Variants in NRXN1 observed in about 807,000 individuals in gnomAD.
The protein encoded by NRXN1 is neurexin-1.
NRXN1 carries 39 observed loss-of-function variants against 150.9 expected under a neutral mutation model. The observed-to-expected ratio is 0.26, with a 90% CI of 0.20 to 0.34. NRXN1 has a LOEUF of 0.34. Among genes scored for constraint, NRXN1 ranks in the 10% least tolerant of loss-of-function variants. NRXN1 has a pLI of 1.00. For synonymous variants in NRXN1, 924 were observed against 757.0 expected (o/e 1.22, Z -3.62); for missense variants, 1,815 against 1,949.9 (o/e 0.93, Z 1.30).
intron 5 of NRXN1, among the ~76,000 whole-genome samples, chr2:50,909,059 T>C (rs977495146): frequency 1.3e-5 from 2 of 151,328 alleles, no homozygotes; most frequent in African/African-American, 4.9e-5. Flanking sequence ...ATAGAAAGTA[T>C]TTTTTTAAGT....
At chr2:50,086,845 A>AGAGAGAGAGAAG (rs4032305) in intron 19 of NRXN1, among the ~76,000 whole-genome samples, 102 of 150,928 alleles carry the variant, frequency 6.8e-4, no homozygotes, top group African/African-American at 2.3e-3. Flanking sequence ...AGAGAGAGAG[A>AGAGAGAGAGAAG]GAGAGCGAGC....
intron 17 of NRXN1, chr2:50,417,232 AAAGG>A (rs1437131437): frequency 6.6e-6 from 1 of 152,126 alleles, no homozygotes; most frequent in African/African-American, 2.4e-5. Context: ...AAGATTGAGA[AAAGG>A]AAGACAGTGT....
At chr2:50,471,978 G>A (rs972267682) in intron 16 of NRXN1, among the ~76,000 whole-genome samples, 6 of 151,544 alleles carry the variant, frequency 4.0e-5, no homozygotes, top group South Asian at 2.1e-4. Context: ...AGCAAGCATC[G>A]TAGAACTGAT....
At chr2:50,177,992 T>C (rs768530927) in intron 18 of NRXN1, among the ~76,000 whole-genome samples, 31 of 152,132 alleles carry the variant, frequency 2.0e-4, no homozygotes, top group Non-Finnish European at 3.2e-4. Flanking sequence ...TTTCAGAAAG[T>C]GGTCATAATC....
intron 2 of NRXN1, among the ~76,000 whole-genome samples, chr2:50,935,427 G>A (rs995326022): frequency 6.6e-6 from 1 of 152,026 alleles, no homozygotes; most frequent in African/African-American, 2.4e-5. Context: ...AACTGAGTAG[G>A]GAGAATAGAA....
At chr2:50,429,365 T>TCC (rs2084762820) in intron 17 of NRXN1, among the ~76,000 whole-genome samples, 1 of 152,176 alleles carries the variant, frequency 6.6e-6, no homozygotes, top group Non-Finnish European at 1.5e-5. Context: ...CAAGCAATTC[T>TCC]TGTGCCTCAG....
chr2:50,830,322 A>G (rs1671238837), intron 5 of NRXN1, among the ~76,000 whole-genome samples: 1 of 152,108 alleles, frequency 6.6e-6, no homozygotes, highest in Non-Finnish European at 1.5e-5. Context: ...TGTGAAAATG[A>G]GCCAAGCCCC....
chr2:50,450,331 G>C (rs752329932), intron 17 of NRXN1, among the ~76,000 whole-genome samples: 3 of 151,540 alleles, frequency 2.0e-5, no homozygotes, highest in South Asian at 2.1e-4. Context: ...TAAATTGTTA[G>C]TTATCTTATT....
intron 17 of NRXN1, among the ~76,000 whole-genome samples, chr2:50,438,364 T>C (rs148179776): frequency 3.9e-4 from 59 of 152,266 alleles, no homozygotes; most frequent in African/African-American, 1.2e-3. Context: ...CAAAGCAAAA[T>C]GTCAACCAGT....
intron 8 of NRXN1, among the ~76,000 whole-genome samples, chr2:50,579,714 G>A (rs540132725): frequency 2.0e-5 from 3 of 152,222 alleles, no homozygotes; most frequent in South Asian, 4.1e-4. Flanking sequence ...GGAGTTCACT[G>A]TATAATGAAT....
chr2:50,366,970 G>T (rs2079624567), intron 17 of NRXN1, among the ~76,000 whole-genome samples: 1 of 152,078 alleles, frequency 6.6e-6, no homozygotes, highest in African/African-American at 2.4e-5. Flanking sequence ...CACGCCTAAT[G>T]GATATAACTA....
intron 19 of NRXN1, among the ~76,000 whole-genome samples, chr2:50,057,516 C>T (rs1276126205): frequency 1.3e-5 from 2 of 152,122 alleles, no homozygotes; most frequent in East Asian, 3.9e-4. Flanking sequence ...AAGCATTGAA[C>T]CTGTAATGGC....
At chr2:50,679,149 G>T (rs1255748686) in intron 5 of NRXN1, among the ~76,000 whole-genome samples, 1 of 151,988 alleles carries the variant, frequency 6.6e-6, no homozygotes, top group East Asian at 1.9e-4. Context: ...AGAGTATGTG[G>T]AAAAGTAGAT....
At chr2:51,001,830 C>T (rs1700117167) in intron 2 of NRXN1, among the ~76,000 whole-genome samples, 1 of 151,908 alleles carries the variant, frequency 6.6e-6, no homozygotes, top group South Asian at 2.1e-4. Context: ...TCATCCTCTT[C>T]TGCCTTTCAC....
At chr2:49,975,673 C>A (rs576161314) in intron 21 of NRXN1, among the ~76,000 whole-genome samples, 9 of 152,190 alleles carry the variant, frequency 5.9e-5, no homozygotes, top group African/African-American at 2.2e-4. Flanking sequence ...TCTCAACAAA[C>A]TTTATTCTTA....
chr2:50,132,137 T>C (rs893361803), intron 18 of NRXN1, among the ~76,000 whole-genome samples: 3 of 152,118 alleles, frequency 2.0e-5, no homozygotes, highest in Non-Finnish European at 4.4e-5. Context: ...GTGTGCTAAT[T>C]GTATAGATCT....
At chr2:50,012,590 T>A (rs1270741857) in intron 21 of NRXN1, among the ~76,000 whole-genome samples, 2 of 152,134 alleles carry the variant, frequency 1.3e-5, no homozygotes, top group Non-Finnish European at 2.9e-5. Flanking sequence ...ACAGATCTGA[T>A]AATTTTTCAC....
chr2:50,445,785 C>T (rs1444240448), intron 17 of NRXN1, among the ~76,000 whole-genome samples: 1 of 152,084 alleles, frequency 6.6e-6, no homozygotes, highest in Non-Finnish European at 1.5e-5. Flanking sequence ...TATGTTAGGG[C>T]AAGGACACCT....
chr2:50,312,846 T>C (rs2075290678), intron 17 of NRXN1: 2 of 468,108 alleles, frequency 4.3e-6, no homozygotes, highest in Admixed American at 2.3e-5. Flanking sequence ...CCTGATCATA[T>C]AATTTTAAGT....
Sources: gnomAD v4.1 joint callset for allele counts (sites outside exome capture counted in the v4.1 genomes callset) on GRCh38, gnomAD v4.1.1 for gene constraint, MANE v1.5 for transcripts, NCBI Gene and HGNC (gene_info 2026-07-23, HGNC 2026-07-21) for gene names.